Variants in HSPA12A observed in about 807,000 individuals in gnomAD.
HSPA12A encodes heat shock protein family A (Hsp70) member 12A.
Under a neutral mutation model 69.2 loss-of-function variants are expected in HSPA12A, and 28 were observed. The observed-to-expected ratio is 0.40, with a 90% CI of 0.30 to 0.55. The LOEUF (loss-of-function observed/expected upper bound fraction) is 0.55. HSPA12A is among the 20% of genes least tolerant of loss of function. The pLI, the probability that HSPA12A is intolerant of heterozygous loss-of-function variation, is 0.38. For synonymous variants in HSPA12A, 345 were observed against 370.5 expected (o/e 0.93, Z 0.79); for missense variants, 686 against 900.7 (o/e 0.76, Z 3.05).
At chr10:116,822,768 T>G (rs1845428620) in intron 2 of HSPA12A, among the ~76,000 whole-genome samples, 1 of 152,198 alleles carries the variant, frequency 6.6e-6, no homozygotes, top group African/African-American at 2.4e-5. Flanking sequence ...CATTCGTGGA[T>G]AGGCTGGGAA....
In HSPA12A at chr10:116,784,451, C is replaced by T. The variant is rs115152124; in HGVS notation, c.91+50484G>A. 3.1e-3 allele frequency among the ~76,000 whole-genome samples: 478 copies of T among 152,334 alleles called. 2 individuals carry two copies. Among genetic ancestry groups the T allele is most frequent in the African/African-American group, 0.01 (421 of 41,568 alleles). On this transcript the variant is annotated intron_variant, in intron 2 of 12. Transcript: ENST00000635765. ...TATCTTCCTATTAGCGTGTAAGCTC[C>T]ACTAGAGCAAGAAGTTCATCTGTCC...
intron 5 of HSPA12A, among the ~76,000 whole-genome samples, chr10:116,694,377 C>T (rs1564781935): frequency 6.6e-6 from 1 of 152,198 alleles, no homozygotes; most frequent in Non-Finnish European, 1.5e-5. Context: ...ATACATCAAA[C>T]AGCTTTTTCT....
intron 2 of HSPA12A, among the ~76,000 whole-genome samples, chr10:116,792,490 A>C (rs1378083726): frequency 6.6e-6 from 1 of 151,940 alleles, no homozygotes; most frequent in Admixed American, 6.6e-5. Context: ...AAATAAAAAT[A>C]AATCAGCTGG....
At chr10:116,768,711 CAG>C (rs1457529362) in intron 2 of HSPA12A, among the ~76,000 whole-genome samples, 1 of 152,150 alleles carries the variant, frequency 6.6e-6, no homozygotes, top group East Asian at 1.9e-4. Flanking sequence ...CACTATGTTG[CAG>C]AGACTGGTCT....
chr10:116,688,597 G>C (rs1849646059), intron 6 of HSPA12A, among the ~76,000 whole-genome samples: 1 of 152,240 alleles, frequency 6.6e-6, no homozygotes. Context: ...GATCAGTTAA[G>C]AGCGCTGCTG....
intron 1 of HSPA12A, chr10:116,708,121 A>T (rs1554882719): frequency 1.3e-5 from 2 of 151,710 alleles, no homozygotes; most frequent in African/African-American, 4.9e-5. Flanking sequence ...CGGGAGAAAA[A>T]ACACTCTCCC....
chr10:116,718,797 G>GA (rs1291649147), intron 1 of HSPA12A, among the ~76,000 whole-genome samples: 2 of 151,956 alleles, frequency 1.3e-5, no homozygotes, highest in African/African-American at 4.8e-5. Flanking sequence ...AAGAAGGGAA[G>GA]AAAATGCTGG....
chr10:116,841,720 G>T (rs1378911341), intron 1 of HSPA12A, among the ~76,000 whole-genome samples: 1 of 151,744 alleles, frequency 6.6e-6, no homozygotes, highest in African/African-American at 2.4e-5. Context: ...AAAATACTGA[G>T]AATTTACTCC....
intron 1 of HSPA12A, among the ~76,000 whole-genome samples, chr10:116,722,044 G>A (rs1278868412): frequency 6.6e-6 from 1 of 152,206 alleles, no homozygotes; most frequent in Non-Finnish European, 1.5e-5. Flanking sequence ...GGGCACCCAG[G>A]GTGGTCTGTC....
chr10:116,707,202 C>T lies in HSPA12A; in HGVS notation c.124G>A (p.Val42Met), dbSNP rs1164963879. The T allele has an allele frequency of 4.4e-6, 7 of 1,596,258 alleles. No homozygotes were observed. The highest frequency in any genetic ancestry group is 6.0e-6 in the Non-Finnish European group (7 of 1,168,454). The change falls in exon 2 of 12, where the codon GTG (valine) becomes ATG (methionine). Residue 42 changes from valine to methionine, a missense_variant and splice_region_variant. Coordinates refer to ENST00000369209, the MANE Select transcript of HSPA12A (RefSeq NM_025015.3). Reference protein sequence around the residue: ...GITPLSPSHIVNDTDSNVSEQ... With the variant: ...GITPLSPSHIMNDTDSNVSEQ... ...ACACACACACACACACTTCTTACCA[C>T]AATATGGGAGGGGGACAGAGGCGTT...
chr10:116,679,471 G>A (rs17095105), intron 10 of HSPA12A, 32 bp downstream of exon 10: 76,184 of 1,607,272 alleles, frequency 0.047, 2,454 homozygotes, highest in East Asian at 0.19. Flanking sequence ...CCGCTAGAAT[G>A]TCCAGAGCCC....
chr10:116,750,594 A>T, intron 2 of HSPA12A: 2 of 305,066 alleles, frequency 6.6e-6, no homozygotes, highest in Admixed American at 8.1e-5. Flanking sequence ...AAACAGCATA[A>T]CTCCAGGCAT....
intron 1 of HSPA12A, among the ~76,000 whole-genome samples, chr10:116,707,516 G>A (rs1013393737): frequency 6.6e-5 from 10 of 152,258 alleles, no homozygotes; most frequent in East Asian, 5.8e-4. Context: ...CCTCCCAGTC[G>A]CCACCAGGCC....
intron 1 of HSPA12A, among the ~76,000 whole-genome samples, chr10:116,714,174 A>C (rs1325634389): frequency 6.6e-6 from 1 of 151,980 alleles, no homozygotes; most frequent in East Asian, 1.9e-4. Context: ...TGGACTTTTT[A>C]TGTGTACCCA....
intron 1 of HSPA12A, among the ~76,000 whole-genome samples, chr10:116,742,124 C>A (rs1252809198): frequency 7.9e-5 from 12 of 151,986 alleles, no homozygotes; most frequent in African/African-American, 2.7e-4. Flanking sequence ...GCGCGACCAG[C>A]CCCGCAGGAG....
At chr10:116,804,588 G>A (rs1845029252) in intron 2 of HSPA12A, among the ~76,000 whole-genome samples, 2 of 152,070 alleles carry the variant, frequency 1.3e-5, no homozygotes, top group South Asian at 2.1e-4. Flanking sequence ...GAGGCATCAG[G>A]AACATTAGTG....
At chr10:116,729,353 G>C (rs1851082397) in intron 1 of HSPA12A, among the ~76,000 whole-genome samples, 1 of 152,182 alleles carries the variant, frequency 6.6e-6, no homozygotes, top group Non-Finnish European at 1.5e-5. Context: ...CGGAGGTGGG[G>C]CTTTCTGCAA....
chr10:116,750,384 G>A (rs1246015836), intron 2 of HSPA12A: 2 of 713,974 alleles, frequency 2.8e-6, no homozygotes, highest in South Asian at 1.4e-5. Flanking sequence ...GTCTTGGGGG[G>A]CCTTGAAGGG....
chr10:116,709,364 T>C (rs10886004), intron 1 of HSPA12A, among the ~76,000 whole-genome samples: 53,460 of 151,064 alleles, frequency 0.35, 10,429 homozygotes, highest in African/African-American at 0.52. Flanking sequence ...AGGAGAATCA[T>C]TTGAACCCAG....
Sources: allele counts gnomAD v4.1 joint callset (sites outside exome capture counted in the v4.1 genomes callset), GRCh38; gene constraint gnomAD v4.1.1; transcripts MANE v1.5; gene names NCBI Gene and HGNC (gene_info 2026-07-23, HGNC 2026-07-21).